The following ATP11B variants were observed in gnomAD, a reference collection of about 807,000 sequenced individuals.
ATP11B encodes the protein ATPase phospholipid transporting 11B (putative).
In ATP11B, 81 loss-of-function variants were observed where a neutral mutation model predicts 157.8. The observed-to-expected ratio is 0.51, with a 90% confidence interval of 0.43 to 0.62. The LOEUF (loss-of-function observed/expected upper bound fraction) is 0.62. Among genes scored for constraint, ATP11B ranks in the 20% least tolerant of loss-of-function variants. ATP11B has a pLI of 0.00. For missense variants in ATP11B, 1,165 were observed against 1,402.2 expected (o/e 0.83, Z 2.70); for synonymous variants, 451 against 469.4 (o/e 0.96, Z 0.51).
At chr3:182,799,575 C>T (rs1009594241) in intron 1 of ATP11B, among the ~76,000 whole-genome samples, 8 of 151,836 alleles carry the variant, frequency 5.3e-5, no homozygotes, top group East Asian at 1.9e-4. Context: ...ATGCCCGGCC[C>T]GAGTGCTGAT....
chr3:182,794,605 A>G (rs180701453), intron 1 of ATP11B, among the ~76,000 whole-genome samples: 3 of 152,300 alleles, frequency 2.0e-5, no homozygotes, highest in Admixed American at 2.0e-4. Context: ...ACCACCAACA[A>G]AAAATCTTAG....
At chr3:182,888,721 T>C (rs1400313023) in intron 24 of ATP11B, among the ~76,000 whole-genome samples, 1 of 151,886 alleles carries the variant, frequency 6.6e-6, no homozygotes, top group East Asian at 1.9e-4. Flanking sequence ...ATTTATTTAT[T>C]TATTTTAGTA....
At chr3:182,872,243 T>C in intron 17 of ATP11B, 113 bp from the exon 18 acceptor site, 1 of 704,382 alleles carries the variant, frequency 1.4e-6, no homozygotes, top group South Asian at 2.2e-5. Context: ...TTTAAATGAT[T>C]TGTGATTGAC....
intron 1 of ATP11B, among the ~76,000 whole-genome samples, chr3:182,812,231 A>G (rs564781118): frequency 1.3e-5 from 2 of 152,346 alleles, no homozygotes; most frequent in East Asian, 3.9e-4. Flanking sequence ...GCCTATTTGC[A>G]GAGTTGTAGC....
chr3:182,849,952 C>T (rs962526141), intron 10 of ATP11B, among the ~76,000 whole-genome samples: 4 of 152,112 alleles, frequency 2.6e-5, no homozygotes, highest in Non-Finnish European at 5.9e-5. Context: ...CACACCAAAG[C>T]ACATCATGGT....
At chr3:182,886,758 A>G (rs1044550088) in intron 23 of ATP11B, among the ~76,000 whole-genome samples, 5 of 152,142 alleles carry the variant, frequency 3.3e-5, no homozygotes, top group African/African-American at 1.2e-4. Flanking sequence ...ATTGATCAAG[A>G]CACTAGTTCT....
At chr3:182,813,482 C>T (rs770467726) in intron 1 of ATP11B, among the ~76,000 whole-genome samples, 4 of 151,844 alleles carry the variant, frequency 2.6e-5, no homozygotes, top group Non-Finnish European at 4.4e-5. Flanking sequence ...ATTTGTATTC[C>T]CCTAATGGAA....
At chr3:182,809,549 C>G (rs915679526) in intron 1 of ATP11B, among the ~76,000 whole-genome samples, 1 of 152,210 alleles carries the variant, frequency 6.6e-6, no homozygotes, top group East Asian at 1.9e-4. Flanking sequence ...ACGCCCTGCC[C>G]GCTCTGTACA....
At position 182,865,438 on chromosome 3, in the gene ATP11B, T is replaced by C. The variant is rs747881970; in HGVS notation, c.1201-18T>C. ...ATGAACACAAAGGTTTATTTTCTTTTGTTTTCTATCTCTATAGGTAGAGTA... is the reference window on the plus strand; with the variant it reads ...ATGAACACAAAGGTTTATTTTCTTTCGTTTTCTATCTCTATAGGTAGAGTA... On this transcript the variant is annotated intron_variant, in intron 12 of 29. Transcript: ENST00000323116. The C allele has an allele frequency of 4.4e-5, 70 of 1,606,070 alleles. No individual in the cohort carries two copies. Among genetic ancestry groups the C allele is most frequent in the Middle Eastern group, 1.7e-4 (1 of 6,018 alleles).
At chr3:182,890,018 A>G (rs1577083067) in intron 25 of ATP11B, among the ~76,000 whole-genome samples, 2 of 152,348 alleles carry the variant, frequency 1.3e-5, no homozygotes, top group East Asian at 1.9e-4. Context: ...TTGTTTGCCT[A>G]GGAAATGCTA....
At chr3:182,906,218 C>T (rs778523352) in intron 28 of ATP11B, among the ~76,000 whole-genome samples, 11 of 152,140 alleles carry the variant, frequency 7.2e-5, no homozygotes, top group African/African-American at 2.7e-4. Flanking sequence ...GAAAATACTC[C>T]TTTTTACTTC....
chr3:182,873,369 T>A (rs1422365404), intron 18 of ATP11B, among the ~76,000 whole-genome samples: 1 of 152,212 alleles, frequency 6.6e-6, no homozygotes, highest in Admixed American at 6.5e-5. Flanking sequence ...TTACGAGATT[T>A]CTGAGACTCA....
intron 1 of ATP11B, among the ~76,000 whole-genome samples, chr3:182,816,780 A>T (rs1226536368): frequency 2.0e-5 from 3 of 152,190 alleles, no homozygotes; most frequent in Admixed American, 2.0e-4. Flanking sequence ...CATATATGCA[A>T]ATTTGCACAC....
chr3:182,821,015 T>G (rs1717308539), intron 2 of ATP11B, among the ~76,000 whole-genome samples: 1 of 152,264 alleles, frequency 6.6e-6, no homozygotes, highest in Non-Finnish European at 1.5e-5. Flanking sequence ...ATACTGATTT[T>G]AAATCAGTTT....
intron 22 of ATP11B, among the ~76,000 whole-genome samples, chr3:182,885,277 A>C (rs998692080): frequency 1.3e-5 from 2 of 152,160 alleles, no homozygotes; most frequent in African/African-American, 2.4e-5. Context: ...AATGAAATAC[A>C]TAGGGTTACA....
At chr3:182,871,854 C>A (rs188573415) in intron 17 of ATP11B, among the ~76,000 whole-genome samples, 1 of 150,698 alleles carries the variant, frequency 6.6e-6, no homozygotes, top group African/African-American at 2.4e-5. Flanking sequence ...CTCGCTCTTT[C>A]GCCCAGGCTG....
chr3:182,838,785 TTA>T (rs757823857), intron 7 of ATP11B, among the ~76,000 whole-genome samples: 114 of 144,772 alleles, frequency 7.9e-4, no homozygotes, highest in Middle Eastern at 3.6e-3. Flanking sequence ...GTGCTATATA[TTA>T]TATATATATA....
At chr3:182,840,013 G>A (rs1440111149) in intron 7 of ATP11B, among the ~76,000 whole-genome samples, 4 of 152,154 alleles carry the variant, frequency 2.6e-5, no homozygotes, top group African/African-American at 9.7e-5. Context: ...ATTGCAGGAA[G>A]CTGAATTAAT....
intron 2 of ATP11B, among the ~76,000 whole-genome samples, chr3:182,822,106 GTTC>G (rs1443356599): frequency 6.7e-6 from 1 of 150,232 alleles, no homozygotes; most frequent in Non-Finnish European, 1.5e-5. Flanking sequence ...TAGTGACACA[GTTC>G]TTTTTTTTTT....
Sources: gnomAD v4.1 joint callset for allele counts (sites outside exome capture counted in the v4.1 genomes callset) on GRCh38, gnomAD v4.1.1 for gene constraint, MANE v1.5 for transcripts, NCBI Gene and HGNC (gene_info 2026-07-23, HGNC 2026-07-21) for gene names.